The following CYP2C18 variants were observed in gnomAD, a reference collection of about 807,000 sequenced individuals.
CYP2C18 encodes the protein cytochrome P450 family 2 subfamily C member 18.
In CYP2C18, 38 loss-of-function variants were observed where a neutral mutation model predicts 41.3. That is an observed-to-expected ratio of 0.92 (90% CI 0.71 to 1.21). The LOEUF (loss-of-function observed/expected upper bound fraction) is 1.21, where lower values mean the gene tolerates loss of function less well. CYP2C18 is among the 50% of genes most tolerant of loss of function. The pLI, the probability that CYP2C18 is intolerant of heterozygous loss-of-function variation, is 0.00. For missense variants in CYP2C18, 635 were observed against 591.4 expected, an observed-to-expected ratio of 1.07 and a Z score of -0.77; for synonymous variants, 236 against 210.0, an observed-to-expected ratio of 1.12 and a Z score of -1.07.
chr10:94,728,485 C>T (rs190880449), intron 7 of CYP2C18: 1 of 174,660 alleles, frequency 5.7e-6, no homozygotes, highest in African/African-American at 2.4e-5. Flanking sequence ...TTGCCCGAAT[C>T]TATGGTCCTA....
intron 3 of CYP2C18, 41 bp from the exon 4 acceptor site, chr10:94,694,876 G>A (rs1396163431): frequency 1.3e-6 from 2 of 1,584,508 alleles, no homozygotes; most frequent in Non-Finnish European, 1.7e-6. Flanking sequence ...TATTTTATAT[G>A]TATATTTTAA....
intron 4 of CYP2C18, 145 bp from the exon 5 acceptor site, chr10:94,706,638 GA>G: frequency 1.9e-6 from 1 of 528,978 alleles, no homozygotes; most frequent in Non-Finnish European, 3.3e-6. Context: ...CAGTATAGAG[GA>G]CTACTTTGTA....
chr10:94,696,812 C>T (rs1323497500), intron 4 of CYP2C18, among the ~76,000 whole-genome samples: 2 of 151,990 alleles, frequency 1.3e-5, no homozygotes, highest in Non-Finnish European at 2.9e-5. Context: ...AAAACCACGG[C>T]CCGAGAATTA....
At chr10:94,702,747 C>T (rs924350376) in intron 4 of CYP2C18, among the ~76,000 whole-genome samples, 2 of 152,058 alleles carry the variant, frequency 1.3e-5, no homozygotes, top group African/African-American at 2.4e-5. Flanking sequence ...TTGTCAAACT[C>T]ATTCTCCATC....
At chr10:94,731,648 C>T (rs1212079313) in intron 7 of CYP2C18, among the ~76,000 whole-genome samples, 1 of 152,000 alleles carries the variant, frequency 6.6e-6, no homozygotes, top group African/African-American at 2.4e-5. Context: ...GAATAGAGAA[C>T]CCAGAAATAA....
chr10:94,713,936 A>G (rs1038107401), intron 5 of CYP2C18, among the ~76,000 whole-genome samples: 14 of 152,184 alleles, frequency 9.2e-5, no homozygotes, highest in Admixed American at 9.2e-4. Flanking sequence ...ACCAGTGATG[A>G]TGAACATTTT....
chr10:94,695,372 T>G (rs1847096854), intron 4 of CYP2C18, among the ~76,000 whole-genome samples: 1 of 152,102 alleles, frequency 6.6e-6, no homozygotes, highest in Non-Finnish European at 1.5e-5. Context: ...ACCTCCCACT[T>G]AAGAGTGAAA....
At chr10:94,696,645 G>A (rs1255352303) in intron 4 of CYP2C18, among the ~76,000 whole-genome samples, 1 of 152,160 alleles carries the variant, frequency 6.6e-6, no homozygotes, top group Non-Finnish European at 1.5e-5. Flanking sequence ...ACTTTGACGA[G>A]TTGAGAGAAG....
intron 5 of CYP2C18, among the ~76,000 whole-genome samples, chr10:94,711,445 G>C (rs918411742): frequency 6.6e-6 from 1 of 151,724 alleles, no homozygotes; most frequent in East Asian, 1.9e-4. Context: ...GTCTTACTCT[G>C]TCACCCAGGC....
At position 94,716,421 on chromosome 10, in the gene CYP2C18, G is replaced by A. The variant is rs139162063; in HGVS notation, c.820-3975G>A. On this transcript the variant is annotated intron_variant, in intron 5 of 8. Transcript: ENST00000285979. ...TGGTTTCAAGAACATCTTTATTTCTGCCTTCATTTCATTATGTACCCAGTA... is the reference window on the plus strand; with the variant it reads ...TGGTTTCAAGAACATCTTTATTTCTACCTTCATTTCATTATGTACCCAGTA... 4.5e-3 allele frequency among the ~76,000 whole-genome samples: 691 copies of A among 152,244 alleles called. 7 individuals are homozygous for A. The highest frequency in any genetic ancestry group is 0.015 in the African/African-American group (642 of 41,542).
chr10:94,717,433 A>C (rs551159974), intron 5 of CYP2C18, among the ~76,000 whole-genome samples: 1 of 152,210 alleles, frequency 6.6e-6, no homozygotes, highest in East Asian at 1.9e-4. Context: ...TTTCTCCTTC[A>C]CTTATGAAGT....
intron 3 of CYP2C18, 29 bp downstream of exon 3, chr10:94,688,303 T>A: frequency 2.5e-6 from 4 of 1,577,070 alleles, no homozygotes; most frequent in South Asian, 1.2e-5. Flanking sequence ...TCCTGAAAAA[T>A]GTTTTCTAAA....
intron 7 of CYP2C18, among the ~76,000 whole-genome samples, chr10:94,725,020 G>A (rs1926711): frequency 0.2 from 30,176 of 148,338 alleles, 3,489 homozygotes; most frequent in East Asian, 0.38. Context: ...CATGTATTAC[G>A]TTTTTTTTCT....
chr10:94,728,862 A>G (rs546484845), intron 7 of CYP2C18, among the ~76,000 whole-genome samples: 1 of 152,246 alleles, frequency 6.6e-6, no homozygotes, highest in African/African-American at 2.4e-5. Context: ...TGTAGTTTGC[A>G]ATTACTTTTC....
At chr10:94,688,371 C>T in intron 3 of CYP2C18, 97 bp downstream of exon 3, 3 of 1,407,186 alleles carry the variant, frequency 2.1e-6, no homozygotes, top group South Asian at 1.4e-5. Context: ...TTATGGGGTA[C>T]ATGTAATATT....
intron 8 of CYP2C18, among the ~76,000 whole-genome samples, chr10:94,734,490 G>GT (rs1847885932): frequency 6.6e-6 from 1 of 152,116 alleles, no homozygotes; most frequent in Non-Finnish European, 1.5e-5. Context: ...ATATGATGAG[G>GT]AAACCTAGAG....
chr10:94,691,196 T>C (rs2134176809), intron 3 of CYP2C18, among the ~76,000 whole-genome samples: 1 of 152,150 alleles, frequency 6.6e-6, no homozygotes, highest in South Asian at 2.1e-4. Context: ...GAGAAGGAAA[T>C]AAAGGGCATT....
chr10:94,683,969 G>A lies in CYP2C18; in HGVS notation c.150G>A (p.Met50Ile), dbSNP rs1283402809. The A allele has an allele frequency of 5.0e-6, 8 of 1,606,754 alleles. No homozygotes were observed. Among genetic ancestry groups the A allele is most frequent in the Non-Finnish European group, 4.2e-6 (5 of 1,176,632 alleles). Residue 50 changes from methionine (M) to isoleucine (I), a missense_variant, in exon 1 of 9, where the codon ATG becomes ATA. Physicochemically the swap from Met to Ile is conservative, Grantham distance 10. Coordinates refer to ENST00000285979, the MANE Select transcript of CYP2C18 (RefSeq NM_000772.3). ...GNILQLDVKDMSKSLTNFSKV... is the reference protein window; with the variant it reads ...GNILQLDVKDISKSLTNFSKV... ...TCCTGCAGTTAGATGTTAAGGACAT[G>A]AGCAAATCCTTAACCAATGTAAGTA...
chr10:94,691,061 A>G, intron 3 of CYP2C18, among the ~76,000 whole-genome samples: 1 of 152,172 alleles, frequency 6.6e-6, no homozygotes, highest in Admixed American at 6.5e-5. Flanking sequence ...CCCACAGCCA[A>G]TATCATACTG....
Sources: gnomAD v4.1 joint callset for allele counts (sites outside exome capture counted in the v4.1 genomes callset) on GRCh38, gnomAD v4.1.1 for gene constraint, MANE v1.5 for transcripts, NCBI Gene and HGNC (gene_info 2026-07-23, HGNC 2026-07-21) for gene names.